The following SULT1A2 variants were observed in gnomAD, a reference collection of about 807,000 sequenced individuals.
SULT1A2 encodes sulfotransferase 1A2.
Under a neutral mutation model 36.0 loss-of-function variants are expected in SULT1A2, and 33 were observed. The ratio of observed to expected loss-of-function variants is 0.92; its 90% CI spans 0.69 to 1.22. SULT1A2 has a LOEUF of 1.22. Among genes scored for constraint, SULT1A2 ranks in the 50% most tolerant of loss-of-function variants. The probability of loss-of-function intolerance (pLI) is 0.00; values close to 1 mark genes in which losing one functional copy is unlikely to be tolerated. For synonymous variants in SULT1A2, 138 were observed against 144.5 expected (o/e 0.96, Z 0.32); for missense variants, 367 against 383.2 (o/e 0.96, Z 0.35).
rs528651850 is a variant in SULT1A2 at position 28,595,390 on chromosome 16, T to C, written c.349A>G (p.Thr117Ala). The change falls in exon 4 of 8, where the codon ACT becomes GCT. Residue 117 changes from threonine to alanine, a missense_variant. Transcript: ENST00000335715. ...ACCTTGACCTTCTGATCCAACAGAG[T>C]CTGGGGGAGCAGAGCCAGGGGCAGG... ...THLPLALLPQ[T>A]LLDQKVKVVY... 1 of 1,613,604 alleles carries C rather than the reference T, an allele frequency of 6.2e-7. No homozygotes were observed. Among genetic ancestry groups the C allele is most frequent in the South Asian group, 1.1e-5 (1 of 91,056 alleles).
chr16:28,592,225 C>T (rs1173377320), intron 7 of SULT1A2, 38 bp downstream of exon 7: 5 of 1,613,902 alleles, frequency 3.1e-6, no homozygotes, highest in Non-Finnish European at 4.2e-6. Flanking sequence ...AGCTGCTGCT[C>T]CCACCTGCTC....
At chr16:28,596,408 G>A in intron 1 of SULT1A2, 2 of 1,014,940 alleles carry the variant, frequency 2.0e-6, no homozygotes, top group Non-Finnish European at 2.5e-6. Flanking sequence ...CCCCTCACAT[G>A]TGGCAACTCC....
Position 28,595,559 on chromosome 16 carries a change from T to A in SULT1A2, c.265A>T (p.Ile89Phe), listed in dbSNP as rs375545631. Residue 89 changes from isoleucine (I) to phenylalanine (F), a missense_variant, in exon 3 of 8, where the codon ATT (isoleucine) becomes TTT (phenylalanine). Coordinates refer to ENST00000335715, the MANE Select transcript of SULT1A2 (RefSeq NM_001054.4). ...CCCAGGACACACACACCTGAGGGAA[T>A]CCCTGGGACTTTGAACTCAAGGAAG... is the stretch of plus-strand genomic sequence containing the variant. ...VPFLEFKVPG[I>F]PSGMETLKNT... 12 of 1,614,094 alleles carry A rather than the reference T, an allele frequency of 7.4e-6. No individual in the cohort carries two copies. Among genetic ancestry groups the A allele is most frequent in the Non-Finnish European group, 1.0e-5 (12 of 1,180,020 alleles).
chr16:28,596,913 A>G (rs2151669163), intron 1 of SULT1A2, 84 bp downstream of exon 1: 4 of 971,862 alleles, frequency 4.1e-6, no homozygotes, highest in Non-Finnish European at 4.0e-6. Context: ...GGGCAGGGAT[A>G]GCAGAGGCCT....
Position 28,593,355 on chromosome 16 carries a change from G to T in SULT1A2, c.500-9C>A, listed in dbSNP as rs368462012. 51 of 1,614,192 alleles carry T rather than the reference G, an allele frequency of 3.2e-5. No homozygotes were observed. The East Asian group carries it at 1.0e-3, about 33-fold the overall frequency. ...CCAGGACCCATAGGACACTGGAGAA[G>T]CGGGCAGGGAGTGCCGACACAGGGT... On this transcript the variant is annotated splice_polypyrimidine_tract_variant and intron_variant, in intron 5 of 7. Transcript: ENST00000335715.
In SULT1A2 at chr16:28,593,495, T is replaced by C; in HGVS notation, c.446A>G (p.Tyr149Cys). Residue 149 changes from tyrosine (Y) to cysteine (C), a missense_variant, in exon 5 of 8, where the codon TAC becomes TGC. Tyr to Cys is a radical substitution (Grantham distance 194, BLOSUM62 -2). Coordinates refer to ENST00000335715, the MANE Select transcript of SULT1A2 (RefSeq NM_001054.4). ...YYHFYHMAKV[Y>C]PHPGTWESFL... is the part of the protein sequence containing the mutation. ...GCTTTCCCAGGTCCCAGGGTGAGGGTACACTTTGGCCATGTGGTAGAAGTG... is the reference window on the plus strand; with the variant it reads ...GCTTTCCCAGGTCCCAGGGTGAGGGCACACTTTGGCCATGTGGTAGAAGTG... 1 of 1,612,282 alleles carries C rather than the reference T, an allele frequency of 6.2e-7. No homozygotes were observed.
intron 1 of SULT1A2, chr16:28,596,724 C>T (rs2047063132): frequency 3.9e-6 from 1 of 256,106 alleles, no homozygotes; most frequent in Admixed American, 5.0e-5. Flanking sequence ...GGTCTGTAGT[C>T]CTAGCTACTG....
chr16:28,593,644 C>A, intron 4 of SULT1A2, 76 bp from the exon 5 acceptor site: 2 of 1,597,358 alleles, frequency 1.3e-6, no homozygotes, highest in South Asian at 1.1e-5. Flanking sequence ...CTTGGTTTGG[C>A]AAAGGAGGAA....
rs376584135 is a variant in SULT1A2, at chr16:28,592,448, G to A, written c.595-5C>T. The A allele has an allele frequency of 3.1e-6, 5 of 1,614,084 alleles. No individual in the cohort carries two copies. The highest frequency in any genetic ancestry group is 1.3e-5 in the African/African-American group (1 of 74,928). ...TTGAATCTCCCTTTTGGGGTTCTGA[G>A]CAGCAGAGGGCTCCTCAGTGGAGGC... On this transcript the variant is annotated splice_region_variant and splice_polypyrimidine_tract_variant and intron_variant, in intron 6 of 7. Transcript: ENST00000335715.
In SULT1A2 at chr16:28,592,118, G is replaced by C; in HGVS notation, c.798C>G (p.Thr266=). 5 of 1,612,088 alleles carry C rather than the reference G, an allele frequency of 3.1e-6. No individual in the cohort carries two copies. The highest frequency in any genetic ancestry group is 4.2e-6 in the Non-Finnish European group (5 of 1,179,870). Residue 266 remains threonine (T), a synonymous_variant, in exon 8 of 8, where the codon ACC becomes ACG. Transcript: ENST00000335715. ...MRKGMAGDWK[T]TFTVAQNERF... is the part of the protein sequence containing the mutation. ...GCTCATTCTGCGCCACGGTGAAGGT[G>C]GTCTTCCAGTCCCCAGCCATGCCTG...
intron 1 of SULT1A2, 135 bp downstream of exon 1, chr16:28,596,862 G>T (rs2151669053): frequency 1.8e-6 from 1 of 550,138 alleles, no homozygotes; most frequent in Non-Finnish European, 2.6e-6. Flanking sequence ...GGGGGATTCA[G>T]GCCGGCCGGG....
chr16:28,592,342 C>T lies in SULT1A2; in HGVS notation c.696G>A (p.Met232Ile), dbSNP rs1461493376. The change falls in exon 7 of 8, where the codon ATG becomes ATA. Residue 232 changes from methionine (M) to isoleucine (I), a missense_variant. Transcript: ENST00000335715. ...TGTAGTTGGTCATAGGGTTCTTCTTCATCTCCTTGAACGACGTGTGCTCAA... is the reference window on the plus strand; with the variant it reads ...TGTAGTTGGTCATAGGGTTCTTCTTTATCTCCTTGAACGACGTGTGCTCAA... Reference protein sequence around the residue: ...LMVEHTSFKEMKKNPMTNYTT... With the variant: ...LMVEHTSFKEIKKNPMTNYTT... The T allele has an allele frequency of 6.2e-7, 1 of 1,613,972 alleles. No homozygotes were observed. The highest frequency in any genetic ancestry group is 8.5e-7 in the Non-Finnish European group (1 of 1,179,886).
In SULT1A2 at chr16:28,592,308, G is replaced by A. The variant is rs768403170; in HGVS notation, c.730C>T (p.Arg244Cys). Reference protein sequence around the residue: ...KNPMTNYTTVRREFMDHSISP... With the variant: ...KNPMTNYTTVCREFMDHSISP... ...ATGCTGTGGTCCATGAACTCCCGGCGGACGGTGGTGTAGTTGGTCATAGGG... is the reference window on the plus strand; with the variant it reads ...ATGCTGTGGTCCATGAACTCCCGGCAGACGGTGGTGTAGTTGGTCATAGGG... The change falls in exon 7 of 8, where the codon CGC becomes TGC. Residue 244 changes from arginine (R) to cysteine (C), a missense_variant. Coordinates refer to ENST00000335715, the MANE Select transcript of SULT1A2 (RefSeq NM_001054.4). The A allele has an allele frequency of 3.0e-5, 49 of 1,613,796 alleles. No homozygotes were observed. The highest frequency in any genetic ancestry group is 3.8e-5 in the Non-Finnish European group (45 of 1,179,870).
rs765617866 is a variant in SULT1A2 at position 28,593,584 on chromosome 16, ACT to A, written c.373-18_373-17del. The A allele has an allele frequency of 6.2e-6, 10 of 1,613,628 alleles. No homozygotes were observed. The highest frequency in any genetic ancestry group is 2.2e-5 in the South Asian group (2 of 91,060). On this transcript the variant is annotated splice_polypyrimidine_tract_variant and intron_variant, in intron 4 of 7. Transcript: ENST00000335715. ...CATAGACCACCTGCAGGGGCAGAAG[ACT>A]CAACCCCAGCACCATCACCACACAG...
At position 28,595,826 on chromosome 16, in the gene SULT1A2, C is replaced by T. The variant is rs764901598; in HGVS notation, c.105G>A (p.Gln35=). The change falls in exon 2 of 8, where the codon CAG becomes CAA. Residue 35 remains glutamine (Q), a synonymous_variant. Coordinates refer to ENST00000335715, the MANE Select transcript of SULT1A2 (RefSeq NM_001054.4). ...TGATGAGCAGGTCATCAGGCCGGGC[C>T]TGGAAGCTCTGCAGGGGCCCCAGTG... ...AEALGPLQSF[Q]ARPDDLLIST... 4.3e-6 allele frequency: 7 copies of T among 1,612,132 alleles called. No homozygotes were observed. The highest frequency in any genetic ancestry group is 1.7e-5 in the Admixed American group (1 of 59,996).
In SULT1A2 at chr16:28,597,020, T is replaced by C. The variant is rs762633; in HGVS notation, c.-28A>G. The C allele has an allele frequency of 0.35, 445,080 of 1,279,644 alleles. 81,522 individuals carry two copies. The highest frequency in any genetic ancestry group is 0.37 in the Non-Finnish European group (365,490 of 980,632). 79.3% of individuals were successfully genotyped at this position (1,279,644 alleles called of 1,614,324 possible). A position where few individuals can be genotyped will look rare whatever the true frequency, so the allele number is the denominator to read the frequency against. The stretch of plus-strand genomic sequence containing the variant: ...ACCTGAGCTCTTGGGAACCTGGCCT[T>C]GTGCCCTCCTCGCCCGCAGTGGCTG... On this transcript the variant is annotated 5_prime_UTR_variant, in exon 1 of 8. Coordinates refer to ENST00000335715, the MANE Select transcript of SULT1A2 (RefSeq NM_001054.4).
In SULT1A2 at chr16:28,593,565, C is replaced by G. The variant is rs1447349855; in HGVS notation, c.376G>C (p.Val126Leu). 6.2e-7 allele frequency: 1 copy of G among 1,614,132 alleles called. No homozygotes were observed. The highest frequency in any genetic ancestry group is 1.3e-5 in the African/African-American group (1 of 75,040). Residue 126 changes from valine (V) to leucine (L), a missense_variant, in exon 5 of 8, where the codon GTC (valine) becomes CTC (leucine). Transcript: ENST00000335715. ...QTLLDQKVKV[V>L]YVARNAKDVA... ...TCCTTTGCGTTGCGGGCAACATAGA[C>G]CACCTGCAGGGGCAGAAGACTCAAC...
rs376846234 is a variant in SULT1A2, at chr16:28,595,938, C to T, written c.-4-4G>A. ...GTCCTGGATCAGCTCCATGTTCCTG[C>T]GTCAGGGGCCAGAGCCAGGCCCGTT... On this transcript the variant is annotated splice_polypyrimidine_tract_variant and splice_region_variant and intron_variant, in intron 1 of 7. Transcript: ENST00000335715. 17 of 1,602,344 alleles carry T rather than the reference C, an allele frequency of 1.1e-5. No individual in the cohort carries two copies. Among genetic ancestry groups the T allele is most frequent in the Admixed American group, 6.8e-5 (4 of 58,740 alleles).
Position 28,593,354 on chromosome 16 carries a change from A to T in SULT1A2, c.500-8T>A, listed in dbSNP as rs777145232. On this transcript the variant is annotated splice_polypyrimidine_tract_variant and splice_region_variant and intron_variant, in intron 5 of 7. Coordinates refer to ENST00000335715, the MANE Select transcript of SULT1A2 (RefSeq NM_001054.4). ...ACCAGGACCCATAGGACACTGGAGAAGCGGGCAGGGAGTGCCGACACAGGG... is the reference window on the plus strand; with the variant it reads ...ACCAGGACCCATAGGACACTGGAGATGCGGGCAGGGAGTGCCGACACAGGG... 1.9e-6 allele frequency: 3 copies of T among 1,614,170 alleles called. No homozygotes were observed. Among genetic ancestry groups the T allele is most frequent in the Non-Finnish European group, 2.5e-6 (3 of 1,180,030 alleles).
Sources: gnomAD v4.1 joint callset for allele counts on GRCh38, gnomAD v4.1.1 for gene constraint, MANE v1.5 for transcripts, NCBI Gene and HGNC (gene_info 2026-07-23, HGNC 2026-07-21) for gene names.